The following PPL variants were observed in gnomAD, a reference collection of about 807,000 sequenced individuals.
PPL encodes 190 kDa paraneoplastic pemphigus antigen.
Under a neutral mutation model 194.4 loss-of-function variants are expected in PPL, and 198 were observed. That is an observed-to-expected ratio of 1.02 (90% CI 0.91 to 1.15). PPL has a LOEUF of 1.15. Ranked by LOEUF, PPL falls within the 50% of genes most tolerant of loss-of-function variation. The probability of loss-of-function intolerance (pLI) is 0.00; values close to 1 mark genes in which losing one functional copy is unlikely to be tolerated. For missense variants in PPL, 2,885 were observed against 2,294.8 expected (o/e 1.26, Z -5.25); for synonymous variants, 1,220 against 972.4 (o/e 1.25, Z -4.74).
chr16:4,895,133 G>T, intron 11 of PPL, 128 bp downstream of exon 11: 1 of 1,225,840 alleles, frequency 8.2e-7, no homozygotes, highest in Non-Finnish European at 1.1e-6. Context: ...CAGGGGAAGG[G>T]TTGGCAGAGT....
At chr16:4,888,259 G>T (rs2088251109) in intron 19 of PPL, 41 bp from the exon 20 acceptor site, 1 of 1,395,922 alleles carries the variant, frequency 7.2e-7, no homozygotes, top group Non-Finnish European at 1.0e-6. Flanking sequence ...GATTAAAACA[G>T]CTGAGAAGAG....
chr16:4,909,884 G>A (rs1482633050), intron 2 of PPL, among the ~76,000 whole-genome samples: 1 of 152,166 alleles, frequency 6.6e-6, no homozygotes, highest in Admixed American at 6.5e-5. Flanking sequence ...CATGATTTGT[G>A]TTCTGAAATT....
At chr16:4,907,993 A>AAAATAAAT (rs111783992) in intron 2 of PPL, among the ~76,000 whole-genome samples, 1 of 151,578 alleles carries the variant, frequency 6.6e-6, no homozygotes, top group Non-Finnish European at 1.5e-5. Context: ...ATCTCTACTG[A>AAAATAAAT]AAATAAATAA....
chr16:4,890,987 CA>C (rs1276862934), intron 16 of PPL, 66 bp from the exon 17 acceptor site: 4 of 1,382,124 alleles, frequency 2.9e-6, no homozygotes, highest in South Asian at 1.5e-5. Context: ...CGATGACACC[CA>C]CTGAAGCCCC....
intron 2 of PPL, among the ~76,000 whole-genome samples, chr16:4,904,284 C>T (rs971288160): frequency 6.6e-6 from 1 of 152,210 alleles, no homozygotes; most frequent in Non-Finnish European, 1.5e-5. Context: ...TGTCCTCCAG[C>T]CACTCAGCAA....
intron 2 of PPL, 23 bp from the exon 3 acceptor site, chr16:4,904,063 G>A (rs1320707558): frequency 6.2e-7 from 1 of 1,606,150 alleles, no homozygotes; most frequent in South Asian, 1.1e-5. Flanking sequence ...CAAGAGAGGG[G>A]ACAATGAACA....
intron 11 of PPL, 100 bp from the exon 12 acceptor site, chr16:4,894,718 C>G: frequency 7.2e-7 from 1 of 1,381,172 alleles, no homozygotes; most frequent in Non-Finnish European, 9.8e-7. Flanking sequence ...TGGGGAGCCC[C>G]GGCTCATCAC....
chr16:4,913,143 C>G (rs1412632210), intron 1 of PPL, among the ~76,000 whole-genome samples: 1 of 151,918 alleles, frequency 6.6e-6, no homozygotes, highest in Non-Finnish European at 1.5e-5. Flanking sequence ...GTCTTGAAAG[C>G]AGACTGGCCC....
Position 4,895,612 on chromosome 16 carries a change from C to T in PPL, c.1077G>A (p.Leu359=). The T allele has an allele frequency of 6.2e-7, 1 of 1,614,024 alleles. No individual in the cohort carries two copies. The highest frequency in any genetic ancestry group is 8.5e-7 in the Non-Finnish European group (1 of 1,180,020). ...PDFKDRYQIE[L]LLRELDDQEK... ...CGCTCACATCCAGCTCCCGCAGCAGCAGCTCAATCTGGTACCGGTCCTTGA... is the reference window on the plus strand; with the variant it reads ...CGCTCACATCCAGCTCCCGCAGCAGTAGCTCAATCTGGTACCGGTCCTTGA... Residue 359 remains leucine (L), a synonymous_variant, in exon 10 of 22, where the codon CTG becomes CTA. Transcript: ENST00000345988.
intron 1 of PPL, among the ~76,000 whole-genome samples, chr16:4,925,585 C>T (rs767334049): frequency 6.6e-6 from 1 of 152,170 alleles, no homozygotes; most frequent in Non-Finnish European, 1.5e-5. Flanking sequence ...CTTAATTCCA[C>T]ACCTTGCGTA....
rs749752097 is a variant in PPL at position 4,899,377 on chromosome 16, G to A, written c.614C>T (p.Ser205Leu). The A allele has an allele frequency of 1.2e-6, 2 of 1,606,488 alleles. No homozygotes were observed. The highest frequency in any genetic ancestry group is 1.7e-6 in the Non-Finnish European group (2 of 1,176,308). The change falls in exon 7 of 22, where the codon TCA becomes TTA. Residue 205 changes from serine to leucine, a missense_variant. Coordinates refer to ENST00000345988, the MANE Select transcript of PPL (RefSeq NM_002705.5). ...RAKYQKLLAA[S>L]QARQQHLSSL... is the part of the protein sequence containing the mutation. ...ACTCAGGTGCTGCTGCCGGGCCTGT[G>A]ATGCTGCCTGAAGGGGCCGGGGCAA...
chr16:4,890,582 A>G, intron 17 of PPL, 146 bp downstream of exon 17: 2 of 1,105,662 alleles, frequency 1.8e-6, no homozygotes, highest in South Asian at 1.7e-5. Flanking sequence ...GACTCAAAAG[A>G]GAGACCACAG....
Position 4,890,842 on chromosome 16 carries a change from G to T in PPL, c.2048C>A (p.Ser683Ter). 6.4e-7 allele frequency: 1 copy of T among 1,572,814 alleles called. No individual in the cohort carries two copies. The highest frequency in any genetic ancestry group is 8.6e-7 in the Non-Finnish European group (1 of 1,158,972). The part of the protein sequence containing the change: ...EQNLQAAKQC[S>*]STLASRFQEH... ...CTGGAAGCGGCTGGCCAGTGTGCTC[G>T]AGCACTGCTTGGCCGCCTGCAAGTT... is the stretch of plus-strand genomic sequence containing the variant. Residue 683 changes from serine (S) to a stop codon, truncating the protein, a stop_gained, in exon 17 of 22, where the codon TCG becomes TAG. Coordinates refer to ENST00000345988, the MANE Select transcript of PPL (RefSeq NM_002705.5). LOFTEE classifies it high-confidence loss of function.
chr16:4,891,895 C>T lies in PPL; in HGVS notation c.1884G>A (p.Leu628=), dbSNP rs1204742089. 4 of 1,613,606 alleles carry T rather than the reference C, an allele frequency of 2.5e-6. 1 individual carries two copies. Among genetic ancestry groups the T allele is most frequent in the Non-Finnish European group, 3.4e-6 (4 of 1,180,018 alleles). ...GATTCAGATGGTTCTCGTGTGTGGC[C>T]AGCAACTCCCAGCTCTGCTGCAGGC... is the stretch of plus-strand genomic sequence containing the variant. ...EKSLQQSWEL[L]ATHENHLNQD... is the part of the protein sequence containing the mutation. The change falls in exon 16 of 22, where the codon CTG becomes CTA. Residue 628 remains leucine, a synonymous_variant. Transcript: ENST00000345988.
At chr16:4,906,547 A>C (rs1159019041) in intron 2 of PPL, among the ~76,000 whole-genome samples, 1 of 152,160 alleles carries the variant, frequency 6.6e-6, no homozygotes, top group African/African-American at 2.4e-5. Flanking sequence ...AATTTTATTC[A>C]CTCCATTATC....
chr16:4,931,029 G>A (rs2089219238), intron 1 of PPL, among the ~76,000 whole-genome samples: 1 of 152,180 alleles, frequency 6.6e-6, no homozygotes, highest in Non-Finnish European at 1.5e-5. Flanking sequence ...GAGGCCTGCT[G>A]GGCTGCTGGC....
chr16:4,910,817 C>T lies in PPL; in HGVS notation c.162+33G>A, dbSNP rs765662835. On this transcript the variant is annotated intron_variant, in intron 2 of 21. Transcript: ENST00000345988. ...CCTGAACAGGGCTGGCAGCACGGGG[C>T]ACCCAGGTGGGAGTGGGAGTGGGGG... The T allele has an allele frequency of 2.0e-5, 31 of 1,577,688 alleles. No homozygotes were observed. The South Asian group carries it at 3.0e-4, about 15-fold the overall frequency.
chr16:4,899,496 C>G (rs2088508253), intron 6 of PPL, 112 bp from the exon 7 acceptor site: 1 of 1,435,478 alleles, frequency 7.0e-7, no homozygotes, highest in African/African-American at 1.4e-5. Context: ...ACAAGCCCAG[C>G]TATGGGTGGC....
In PPL at chr16:4,884,228, A is replaced by G; in HGVS notation, c.4427T>C (p.Leu1476Pro). 1 of 1,613,718 alleles carries G rather than the reference A, an allele frequency of 6.2e-7. No individual in the cohort carries two copies. The highest frequency in any genetic ancestry group is 8.5e-7 in the Non-Finnish European group (1 of 1,179,940). The change falls in exon 22 of 22, where the codon CTG becomes CCG. Residue 1476 changes from leucine to proline, a missense_variant. Physicochemically the swap from Leu to Pro is moderately conservative, Grantham distance 98. Coordinates refer to ENST00000345988, the MANE Select transcript of PPL (RefSeq NM_002705.5). This position sits in a 1 kb window ranked among gnomAD's most constrained non-coding sequence, Gnocchi z 5.7. Reference sequence around the variant, plus strand: ...CCGGAGGGTCTCGAGCTCCCCCTCCAGGAGCTGCCGCCGGTGCTGCTCTTC... The same window carrying G: ...CCGGAGGGTCTCGAGCTCCCCCTCCGGGAGCTGCCGCCGGTGCTGCTCTTC... ...LEEEQHRRQL[L>P]EGELETLRRK... is the part of the protein sequence containing the mutation.
Sources: allele counts gnomAD v4.1 joint callset (sites outside exome capture counted in the v4.1 genomes callset), GRCh38; gene constraint gnomAD v4.1.1; non-coding constraint Gnocchi (gnomAD v3.1); transcripts MANE v1.5; gene names NCBI Gene and HGNC (gene_info 2026-07-23, HGNC 2026-07-21).